Variants in CADM2 observed in about 807,000 individuals in gnomAD.
CADM2 encodes the protein cell adhesion molecule 2.
A neutral mutation model predicts 49.8 loss-of-function variants in CADM2; 12 were observed. That is an observed-to-expected ratio of 0.24 (90% CI 0.15 to 0.39). CADM2 has a LOEUF of 0.39. Among genes scored for constraint, CADM2 ranks in the 10% least tolerant of loss-of-function variants. The pLI, the probability that CADM2 is intolerant of heterozygous loss-of-function variation, is 1.00. For synonymous variants in CADM2, 214 were observed against 175.4 expected (o/e 1.22, Z -1.74); for missense variants, 378 against 492.3 (o/e 0.77, Z 2.20).
chr3:85,603,966 T>G (rs1339477190), intron 1 of CADM2, among the ~76,000 whole-genome samples: 6 of 151,920 alleles, frequency 3.9e-5, no homozygotes, highest in African/African-American at 1.4e-4. Context: ...ATGAAAATAT[T>G]GAAATTTGAA....
intron 1 of CADM2, among the ~76,000 whole-genome samples, chr3:85,658,596 A>G (rs1452377250): frequency 7.2e-6 from 1 of 138,822 alleles, no homozygotes; most frequent in African/African-American, 2.7e-5. Context: ...ATATATATAT[A>G]TATATATATA....
chr3:85,593,525 A>G (rs2063164521), intron 1 of CADM2, among the ~76,000 whole-genome samples: 1 of 152,000 alleles, frequency 6.6e-6, no homozygotes, highest in Non-Finnish European at 1.5e-5. Flanking sequence ...ATTTGTTTCC[A>G]ACTTAAGTGT....
At chr3:85,822,731 A>G (rs1187602585) in intron 3 of CADM2, among the ~76,000 whole-genome samples, 1 of 152,212 alleles carries the variant, frequency 6.6e-6, no homozygotes, top group Non-Finnish European at 1.5e-5. Context: ...TTTTTATGAA[A>G]GAAATCAACT....
intron 8 of CADM2, among the ~76,000 whole-genome samples, chr3:86,032,039 A>T (rs889443469): frequency 1.3e-5 from 2 of 151,666 alleles, no homozygotes; most frequent in Non-Finnish European, 3.0e-5. Context: ...ATTAACCAAG[A>T]TATTTTTTTC....
chr3:85,895,483 A>T (rs1481036791), intron 5 of CADM2, among the ~76,000 whole-genome samples: 3 of 152,230 alleles, frequency 2.0e-5, no homozygotes, highest in Non-Finnish European at 2.9e-5. Flanking sequence ...GGCAGAAGGG[A>T]CTAGCCTTGT....
intron 2 of CADM2, among the ~76,000 whole-genome samples, chr3:85,757,645 C>G (rs2069185475): frequency 6.6e-6 from 1 of 152,096 alleles, no homozygotes; most frequent in Non-Finnish European, 1.5e-5. Flanking sequence ...GGCTACTGCA[C>G]ATGATTAATG....
chr3:85,527,226 T>A (rs1408422308), intron 1 of CADM2, among the ~76,000 whole-genome samples: 2 of 151,702 alleles, frequency 1.3e-5, no homozygotes, highest in African/African-American at 4.8e-5. Flanking sequence ...CTCTACAAAA[T>A]ATTTAAAAAT....
chr3:85,631,866 A>T (rs1272683871), intron 1 of CADM2, among the ~76,000 whole-genome samples: 1 of 152,162 alleles, frequency 6.6e-6, no homozygotes, highest in Non-Finnish European at 1.5e-5. Flanking sequence ...TCAACAGATG[A>T]TACTGGTAAT....
rs144829529 is a variant in CADM2, at chr3:85,439,815, A to C, written c.62-286707A>C. On this transcript the variant is annotated intron_variant, in intron 1 of 9. Transcript: ENST00000383699. Reference sequence around the variant, plus strand: ...GCATTCTGAAAATTTTCTGTTCAGAATATTCAGTTATCAGGTGCATTAAAT... The same window carrying C: ...GCATTCTGAAAATTTTCTGTTCAGACTATTCAGTTATCAGGTGCATTAAAT... 1.5e-4 allele frequency among the ~76,000 whole-genome samples: 23 copies of C among 152,312 alleles called. No homozygotes were observed. The East Asian group carries it at 3.1e-3, about 20-fold the overall frequency.
chr3:85,558,131 G>A (rs1286145056), intron 1 of CADM2, among the ~76,000 whole-genome samples: 1 of 151,956 alleles, frequency 6.6e-6, no homozygotes, highest in African/African-American at 2.4e-5. Context: ...GTGTGTAAGA[G>A]AGAAAGGCGT....
At chr3:85,337,936 G>GTA (rs1438808547) in intron 1 of CADM2, among the ~76,000 whole-genome samples, 6 of 151,608 alleles carry the variant, frequency 4.0e-5, no homozygotes, top group African/African-American at 1.4e-4. Flanking sequence ...TATCCAGACT[G>GTA]TATACTGTAG....
intron 1 of CADM2, among the ~76,000 whole-genome samples, chr3:85,414,445 T>C (rs1157505052): frequency 7.9e-5 from 12 of 152,196 alleles, no homozygotes; most frequent in Non-Finnish European, 1.2e-4. Context: ...ACATGCACAG[T>C]AAAATATTTA....
intron 1 of CADM2, among the ~76,000 whole-genome samples, chr3:85,192,102 T>TA (rs547301494): frequency 2.3e-3 from 338 of 147,290 alleles, no homozygotes; most frequent in Middle Eastern, 3.4e-3. Context: ...TCATTCATAG[T>TA]AAAAAAAAAA....
chr3:85,312,296 T>C (rs964491905), intron 1 of CADM2, among the ~76,000 whole-genome samples: 2 of 152,176 alleles, frequency 1.3e-5, no homozygotes, highest in Non-Finnish European at 2.9e-5. Context: ...ATTAATGACA[T>C]AATATGATTT....
intron 6 of CADM2, among the ~76,000 whole-genome samples, chr3:85,915,638 T>C (rs1162826864): frequency 6.6e-6 from 1 of 152,034 alleles, no homozygotes; most frequent in Non-Finnish European, 1.5e-5. Flanking sequence ...ACATGTGCAA[T>C]CTAGATTATA....
At chr3:85,960,892 C>CT (rs144496886) in intron 7 of CADM2, among the ~76,000 whole-genome samples, 2,620 of 149,248 alleles carry the variant, frequency 0.018, 81 homozygotes, top group African/African-American at 0.061. Flanking sequence ...AGATTTTTAT[C>CT]TTTTTTATAT....
At chr3:85,435,689 A>C (rs900228428) in intron 1 of CADM2, among the ~76,000 whole-genome samples, 12 of 152,038 alleles carry the variant, frequency 7.9e-5, no homozygotes, top group African/African-American at 2.7e-4. Context: ...TTGTTTCCTG[A>C]ATTTCCAGTG....
Position 85,111,043 on chromosome 3 carries a change from T to A in CADM2, c.61+151375T>A, listed in dbSNP as rs185629017. Among the ~76,000 whole-genome samples, 99 of 152,050 alleles carry A rather than the reference T, an allele frequency of 6.5e-4. No individual in the cohort carries two copies. The Middle Eastern group carries it at 0.01, about 16-fold the overall frequency. Reference sequence around the variant, plus strand: ...CAACTTTTTAAAAGTACATGAATAATGTAACCTAAGTAAATTGTGACATCA... The same window carrying A: ...CAACTTTTTAAAAGTACATGAATAAAGTAACCTAAGTAAATTGTGACATCA... On this transcript the variant is annotated intron_variant, in intron 1 of 9. Coordinates refer to ENST00000383699, the MANE Select transcript of CADM2 (RefSeq NM_001167675.2).
At chr3:85,097,436 T>C (rs1256924648) in intron 1 of CADM2, among the ~76,000 whole-genome samples, 3 of 152,190 alleles carry the variant, frequency 2.0e-5, no homozygotes, top group Non-Finnish European at 2.9e-5. Flanking sequence ...TCTTTGCTAT[T>C]GTGAATAGTG....
Sources: allele counts gnomAD v4.1 joint callset (sites outside exome capture counted in the v4.1 genomes callset), GRCh38; gene constraint gnomAD v4.1.1; transcripts MANE v1.5; gene names NCBI Gene and HGNC (gene_info 2026-07-23, HGNC 2026-07-21).